AMPD3: variants seen among roughly 807,000 people sequenced by gnomAD.
AMPD3 encodes adenosine monophosphate deaminase 3.
AMPD3 carries 57 observed loss-of-function variants against 82.3 expected under a neutral mutation model. The ratio of observed to expected loss-of-function variants is 0.69; its 90% CI spans 0.56 to 0.86. AMPD3 has a LOEUF of 0.86. Ranked by LOEUF, AMPD3 falls within the 40% of genes least tolerant of loss-of-function variation. AMPD3 has a pLI of 0.00. For synonymous variants in AMPD3, 381 were observed against 394.7 expected (o/e 0.97, Z 0.41); for missense variants, 870 against 1,003.8 (o/e 0.87, Z 1.80).
At chr11:10,459,262 C>T (rs968560911) in intron 1 of AMPD3, among the ~76,000 whole-genome samples, 1 of 152,152 alleles carries the variant, frequency 6.6e-6, no homozygotes, top group Non-Finnish European at 1.5e-5. Flanking sequence ...CCACAGACCT[C>T]ACTCTGATTG....
chr11:10,502,427 T>C lies in AMPD3; in HGVS notation c.1843-294T>C, dbSNP rs543515156. ...GCTGAAGGTGTAGGCTGGAGTGGGC[T>C]GCCCTTCCTGCCCTGAGCCTTGCCT... On this transcript the variant is annotated intron_variant, in intron 12 of 14. Transcript: ENST00000396553. The C allele has an allele frequency of 1.3e-5, 13 of 985,256 alleles. No individual in the cohort carries two copies. The South Asian group carries it at 5.6e-4, about 43-fold the overall frequency. The allele number at this position is 985,256 out of a possible 1,614,324, so 61.0% of individuals were successfully genotyped here.
In AMPD3 at chr11:10,500,644, C is replaced by T. The variant is rs541019062; in HGVS notation, c.1721+395C>T. ...TCACACATGCACGGTCACTTACTGC[C>T]ACACCAACAATGTCCACACGTGCAT... On this transcript the variant is annotated intron_variant, in intron 11 of 14. Transcript: ENST00000396553. 3.8e-5 allele frequency: 37 copies of T among 985,464 alleles called. No homozygotes were observed. In the South Asian group the frequency reaches 1.5e-3, roughly 41 times the overall value. 61.0% of individuals were successfully genotyped at this position (985,464 alleles called of 1,614,324 possible). A position where few individuals can be genotyped will look rare whatever the true frequency, so the allele number is the denominator to read the frequency against.
At chr11:10,502,955 C>T in intron 13 of AMPD3, 61 bp downstream of exon 13, 2 of 1,573,224 alleles carry the variant, frequency 1.3e-6, no homozygotes, top group Non-Finnish European at 8.7e-7. Context: ...GCCTGTCCTC[C>T]CATTTCAGGA....
chr11:10,500,892 C>T (rs1849561108), intron 11 of AMPD3: 1 of 985,322 alleles, frequency 1.0e-6, no homozygotes, highest in African/African-American at 1.7e-5. Flanking sequence ...CCCACTTTCC[C>T]CTGCTGGGCC....
chr11:10,453,257 T>C (rs953420981), upstream of AMPD3, among the ~76,000 whole-genome samples: 1 of 152,248 alleles, frequency 6.6e-6, no homozygotes, highest in Non-Finnish European at 1.5e-5. Context: ...AGCCTGAGTC[T>C]ACGTTTTTAG....
chr11:10,482,380 C>T, intron 4 of AMPD3, 155 bp downstream of exon 4: 1 of 458,242 alleles, frequency 2.2e-6, no homozygotes, highest in Non-Finnish European at 2.9e-6. Context: ...ATGGTTCCCC[C>T]AAGGATTGAT....
intron 5 of AMPD3, chr11:10,486,627 C>G (rs1327070052): frequency 1.0e-6 from 1 of 985,336 alleles, no homozygotes; most frequent in East Asian, 1.1e-4. Context: ...ATATCCTCCT[C>G]TTGTCGTGAA....
chr11:10,465,545 C>G (rs114745099), intron 2 of AMPD3, among the ~76,000 whole-genome samples: 1 of 152,174 alleles, frequency 6.6e-6, no homozygotes, highest in Admixed American at 6.5e-5. Flanking sequence ...AGTTGGACAG[C>G]GGGTGCAGCC....
intron 4 of AMPD3, 107 bp downstream of exon 4, chr11:10,482,332 C>A: frequency 7.5e-7 from 1 of 1,339,046 alleles, no homozygotes; most frequent in Non-Finnish European, 1.0e-6. Flanking sequence ...TTTAAAATGA[C>A]AATGTTCTTT....
chr11:10,456,335 A>G lies in AMPD3; in HGVS notation c.-6+887A>G. 1 of 1,612,784 alleles carries G rather than the reference A, an allele frequency of 6.2e-7. No homozygotes were observed. Among genetic ancestry groups the G allele is most frequent in the Admixed American group, 1.7e-5 (1 of 59,948 alleles). ...GACTCAGCTGAGCCTCCTGGGTGGC[A>G]GGCAGCACCTCACCCGGGTGCATCA... On this transcript the variant is annotated intron_variant, in intron 1 of 14. Transcript: ENST00000396553. The surrounding 1 kb of genome is among the most constrained non-coding windows in gnomAD (Gnocchi z 4.3).
chr11:10,488,466 TGAGAGAGTC>T (rs61680455), intron 6 of AMPD3: 540,239 of 945,814 alleles, frequency 0.57, 156,305 homozygotes, highest in Admixed American at 0.67. Context: ...AGGGATGGTA[TGAGAGAGTC>T]GAGAGAGTCA....
intron 1 of AMPD3, among the ~76,000 whole-genome samples, chr11:10,457,396 T>G (rs1344801447): frequency 6.6e-6 from 1 of 152,120 alleles, no homozygotes; most frequent in East Asian, 1.9e-4. Context: ...GATCCTTGAT[T>G]TTAATGAGCC....
At chr11:10,458,291 G>C (rs900153342) in intron 1 of AMPD3, among the ~76,000 whole-genome samples, 2 of 4,488 alleles carry the variant, frequency 4.5e-4, no homozygotes, top group Non-Finnish European at 1.1e-3. Context: ...GCCAGGTATG[G>C]TGATGCTCCC....
At chr11:10,497,485 C>T (rs1849446548) in intron 10 of AMPD3, 1 of 801,350 alleles carries the variant, frequency 1.2e-6, no homozygotes, top group African/African-American at 1.9e-5. Flanking sequence ...GCCGGTCCCA[C>T]CCTCCGGATG....
chr11:10,497,699 G>C (rs1849456622), intron 10 of AMPD3: 7 of 985,054 alleles, frequency 7.1e-6, no homozygotes, highest in Non-Finnish European at 8.4e-6. Context: ...GTTGTGTGGA[G>C]TTGGCCCAGA....
chr11:10,496,579 A>C (rs1260807287), intron 9 of AMPD3: 1 of 983,420 alleles, frequency 1.0e-6, no homozygotes. Context: ...TTCTGGCTTG[A>C]GAAAGTGCTC....
At chr11:10,495,916 CTT>C (rs35114038) in intron 9 of AMPD3, among the ~76,000 whole-genome samples, 183 bp downstream of exon 9, 438 of 133,144 alleles carry the variant, frequency 3.3e-3, no homozygotes, top group African/African-American at 0.011. Context: ...CACTAGAGCT[CTT>C]TTTTTTTTTT....
chr11:10,469,622 C>T (rs993410077), intron 2 of AMPD3, among the ~76,000 whole-genome samples: 1 of 152,054 alleles, frequency 6.6e-6, no homozygotes, highest in Admixed American at 6.6e-5. Context: ...TAGTTTGGAG[C>T]TGGTACCATT....
intron 2 of AMPD3, among the ~76,000 whole-genome samples, chr11:10,468,101 T>C (rs780424590): frequency 1.3e-5 from 2 of 152,176 alleles, no homozygotes; most frequent in Admixed American, 1.3e-4. Flanking sequence ...TCGAAGAAAC[T>C]GCATCAACTA....
Sources: allele counts gnomAD v4.1 joint callset (sites outside exome capture counted in the v4.1 genomes callset), GRCh38; gene constraint gnomAD v4.1.1; non-coding constraint Gnocchi (gnomAD v3.1); transcripts MANE v1.5; gene names NCBI Gene and HGNC (gene_info 2026-07-23, HGNC 2026-07-21).